The following SLC4A8 variants were observed in gnomAD, a reference collection of about 807,000 sequenced individuals.
SLC4A8 encodes solute carrier family 4 member 8.
In SLC4A8, 40 loss-of-function variants were observed where a neutral mutation model predicts 125.0. The ratio of observed to expected loss-of-function variants is 0.32; its 90% CI spans 0.25 to 0.42. The LOEUF is 0.42. Among genes scored for constraint, SLC4A8 ranks in the 10% least tolerant of loss-of-function variants. The pLI, the probability that SLC4A8 is intolerant of heterozygous loss-of-function variation, is 1.00. For synonymous variants in SLC4A8, 456 were observed against 476.0 expected, an observed-to-expected ratio of 0.96 and a Z score of 0.55; for missense variants, 863 against 1,355.1, an observed-to-expected ratio of 0.64 and a Z score of 5.70.
At chr12:51,435,536 T>A (rs1949377438) in intron 1 of SLC4A8, among the ~76,000 whole-genome samples, 1 of 152,014 alleles carries the variant, frequency 6.6e-6, no homozygotes, top group Admixed American at 6.6e-5. Flanking sequence ...GGAGGGAGGA[T>A]CACTTGAGCT....
chr12:51,467,218 C>G (rs1388782358), intron 11 of SLC4A8: 2 of 152,162 alleles, frequency 1.3e-5, no homozygotes, highest in Non-Finnish European at 2.9e-5. Context: ...CTAACTGAAG[C>G]ATTGGTCCCA....
intron 1 of SLC4A8, among the ~76,000 whole-genome samples, chr12:51,434,094 C>T (rs933617609): frequency 3.3e-5 from 5 of 151,932 alleles, no homozygotes; most frequent in African/African-American, 1.2e-4. Context: ...AGGCTGGTCT[C>T]GAACTCCCAG....
chr12:51,466,059 T>G (rs34961540), intron 11 of SLC4A8, among the ~76,000 whole-genome samples: 56,887 of 151,914 alleles, frequency 0.37, 10,972 homozygotes, highest in East Asian at 0.44. Context: ...CCTTGTTGGA[T>G]GGAGAAGTAT....
At chr12:51,484,623 G>A (rs1465962225) in intron 16 of SLC4A8, among the ~76,000 whole-genome samples, 1 of 152,154 alleles carries the variant, frequency 6.6e-6, no homozygotes, top group Non-Finnish European at 1.5e-5. Flanking sequence ...CTAAGGTACC[G>A]GTGATATTAC....
At chr12:51,484,071 T>A (rs561220813) in intron 16 of SLC4A8, among the ~76,000 whole-genome samples, 1 of 152,290 alleles carries the variant, frequency 6.6e-6, no homozygotes, top group African/African-American at 2.4e-5. Flanking sequence ...CATGAACTCA[T>A]CCTTTTTTAT....
At chr12:51,424,127 T>C (rs958937942), upstream of SLC4A8, among the ~76,000 whole-genome samples, 13 of 151,136 alleles carry the variant, frequency 8.6e-5, no homozygotes, top group Admixed American at 7.9e-4. Flanking sequence ...AGAGGGTTGC[T>C]TCGATTTTAG....
chr12:51,505,464 A>G (rs993639932), intron 23 of SLC4A8, among the ~76,000 whole-genome samples: 1 of 152,222 alleles, frequency 6.6e-6, no homozygotes, highest in African/African-American at 2.4e-5. Context: ...AATGAATGAA[A>G]AATGCCTGGC....
At position 51,511,557 on chromosome 12, in the gene SLC4A8, T is replaced by C. The variant is rs891703161; in HGVS notation, c.*4119T>C. On this transcript the variant is annotated 3_prime_UTR_variant, in exon 25 of 25. Transcript: ENST00000453097. ...GGTGCGCACCACCATGCCCAGCTAA[T>C]TTTTGTATTTTAGTAGAGACGAAGT... 1 of 152,156 alleles carries C rather than the reference T, an allele frequency of 6.6e-6. No homozygotes were observed. Among genetic ancestry groups the C allele is most frequent in the African/African-American group, 2.4e-5 (1 of 41,402 alleles). 9.4% of individuals were successfully genotyped at this position (152,156 alleles called of 1,614,324 possible). A position where few individuals can be genotyped will look rare whatever the true frequency, so the allele number is the denominator to read the frequency against.
intron 1 of SLC4A8, chr12:51,403,282 G>A (rs192759287): frequency 8.8e-6 from 4 of 455,024 alleles, no homozygotes; most frequent in Admixed American, 2.4e-5. Context: ...GATCAGTGGA[G>A]CCAACATGTG....
intron 17 of SLC4A8, among the ~76,000 whole-genome samples, chr12:51,488,113 G>A (rs1300102792): frequency 6.6e-6 from 1 of 152,242 alleles, no homozygotes; most frequent in East Asian, 1.9e-4. Context: ...ATTAATAATT[G>A]AAGATTGACT....
At chr12:51,410,811 C>T (rs1394083363) in intron 1 of SLC4A8, among the ~76,000 whole-genome samples, 1 of 151,728 alleles carries the variant, frequency 6.6e-6, no homozygotes, top group Non-Finnish European at 1.5e-5. Context: ...TGTCCCCCTT[C>T]CCACACTCCA....
chr12:51,487,478 C>T (rs1951190533), intron 17 of SLC4A8, among the ~76,000 whole-genome samples: 15 of 152,158 alleles, frequency 9.9e-5, no homozygotes, highest in Admixed American at 9.8e-4. Flanking sequence ...AGAGTCATGA[C>T]TAATAAGGAA....
chr12:51,478,873 A>C (rs1950936520), intron 16 of SLC4A8, among the ~76,000 whole-genome samples: 1 of 152,240 alleles, frequency 6.6e-6, no homozygotes, highest in African/African-American at 2.4e-5. Context: ...CGCAGTGTCC[A>C]AGGCCCATGG....
At chr12:51,392,826 G>C (rs1026081121) in intron 1 of SLC4A8, 1 of 152,128 alleles carries the variant, frequency 6.6e-6, no homozygotes, top group Non-Finnish European at 1.5e-5. Flanking sequence ...GGTCCTCTCC[G>C]GCGCTGCCTC....
At chr12:51,445,590 C>T (rs1306875908) in intron 2 of SLC4A8, among the ~76,000 whole-genome samples, 5 of 152,060 alleles carry the variant, frequency 3.3e-5, no homozygotes, top group Admixed American at 2.6e-4. Flanking sequence ...CTGCCCTGGC[C>T]CTACTGGCCA....
chr12:51,467,709 C>T (rs891235945), intron 11 of SLC4A8, among the ~76,000 whole-genome samples: 12 of 151,972 alleles, frequency 7.9e-5, no homozygotes, highest in Non-Finnish European at 1.3e-4. Flanking sequence ...TTTAATGAAC[C>T]CCCATGTACC....
chr12:51,499,764 C>T (rs1395878931), intron 22 of SLC4A8, among the ~76,000 whole-genome samples: 1 of 151,884 alleles, frequency 6.6e-6, no homozygotes, highest in Non-Finnish European at 1.5e-5. Flanking sequence ...TGAGTAGAGA[C>T]CTGAATCAAG....
intron 1 of SLC4A8, 91 bp from the exon 2 acceptor site, chr12:51,440,617 T>G (rs1361839511): frequency 4.3e-6 from 4 of 928,174 alleles, no homozygotes; most frequent in Non-Finnish European, 6.7e-6. Flanking sequence ...GTTTCCCCCG[T>G]AAGTATCTCA....
chr12:51,424,887 T>G lies in SLC4A8; in HGVS notation c.-101T>G, dbSNP rs1592159499. 7.9e-7 allele frequency: 1 copy of G among 1,270,408 alleles called. No homozygotes were observed. The allele number at this position is 1,270,408 out of a possible 1,614,324, so 78.7% of individuals were successfully genotyped here. ...TGATGGTTGACCGTTGGCTCCGGGG[T>G]GGGGGTCGCCGTTCGAGTGATCTGC... On this transcript the variant is annotated 5_prime_UTR_variant, in exon 1 of 25. Coordinates refer to ENST00000453097, the MANE Select transcript of SLC4A8 (RefSeq NM_001039960.3).
Sources: gnomAD v4.1 joint callset for allele counts (sites outside exome capture counted in the v4.1 genomes callset) on GRCh38, gnomAD v4.1.1 for gene constraint, MANE v1.5 for transcripts, NCBI Gene and HGNC (gene_info 2026-07-23, HGNC 2026-07-21) for gene names.